GLYATL1: variants seen among roughly 807,000 people sequenced by gnomAD.
GLYATL1 encodes glycine-N-acyltransferase like 1.
Under a neutral mutation model 20.0 loss-of-function variants are expected in GLYATL1, and 15 were observed. That is an observed-to-expected ratio of 0.75 (90% CI 0.50 to 1.15). The LOEUF (loss-of-function observed/expected upper bound fraction) is 1.15, where lower values mean the gene tolerates loss of function less well. GLYATL1 is among the 50% of genes most tolerant of loss of function. The pLI is 0.00. For missense variants in GLYATL1, 380 were observed against 368.5 expected (o/e 1.03, Z -0.26); for synonymous variants, 151 against 131.5 (o/e 1.15, Z -1.01).
chr11:58,918,779 C>A (rs966603195), intron 1 of GLYATL1, among the ~76,000 whole-genome samples: 8 of 152,204 alleles, frequency 5.3e-5, no homozygotes, highest in African/African-American at 1.9e-4. Context: ...TCCAGAGTGA[C>A]TAGAGCAGGG....
Position 58,956,406 on chromosome 11 carries a change from A to T in GLYATL1, c.*379A>T, listed in dbSNP as rs770810702. On this transcript the variant is annotated 3_prime_UTR_variant, in exon 7 of 7. Transcript: ENST00000532726. ...TTTAATAAAATTTTCAATAGAATAA[A>T]CCTAATCTGTATGGATACTTTATCA... is the stretch of plus-strand genomic sequence containing the variant. 4.9e-6 allele frequency: 1 copy of T among 203,182 alleles called. No homozygotes were observed. Among genetic ancestry groups the T allele is most frequent in the Non-Finnish European group, 1.0e-5 (1 of 98,638 alleles). The allele number at this position is 203,182 out of a possible 1,614,324, so 12.6% of individuals were successfully genotyped here. A position where few individuals can be genotyped will look rare whatever the true frequency, so the allele number is the denominator to read the frequency against.
At chr11:58,927,675 G>GC (rs1279015602), upstream of GLYATL1, 1 of 134,190 alleles carries the variant, frequency 7.5e-6, no homozygotes, top group Non-Finnish European at 1.7e-5. Flanking sequence ...AGCTTCTAAT[G>GC]CCCTTTTTTA....
intron 1 of GLYATL1, among the ~76,000 whole-genome samples, chr11:58,913,992 G>C (rs1353721294): frequency 6.6e-6 from 1 of 152,166 alleles, no homozygotes; most frequent in African/African-American, 2.4e-5. Context: ...TGAGGCAAGA[G>C]TGGTCAGAGG....
intron 1 of GLYATL1, among the ~76,000 whole-genome samples, chr11:58,906,846 T>A (rs1388778462): frequency 2.0e-5 from 3 of 152,124 alleles, no homozygotes; most frequent in African/African-American, 7.2e-5. Context: ...TAGACGGTTG[T>A]TTAAACAACG....
At chr11:58,931,072 A>G (rs937553157) in intron 1 of GLYATL1, among the ~76,000 whole-genome samples, 24 of 152,238 alleles carry the variant, frequency 1.6e-4, no homozygotes, top group African/African-American at 5.3e-4. Context: ...GGCCTACACA[A>G]CTGAAATGCA....
Position 58,955,343 on chromosome 11 carries a change from G to T in GLYATL1, c.481G>T (p.Glu161Ter). ...SWAETGHPDDEFESETPNFKY... is the reference protein window; with the variant it reads ...SWAETGHPDD ...GGCTGAGACAGGCCACCCAGATGAT[G>T]AATTTGAAAGGTACAAAAACATGTG... is the stretch of plus-strand genomic sequence containing the variant. Residue 161 changes from glutamate to a stop codon, truncating the protein, a stop_gained, in exon 6 of 7, where the codon GAA becomes TAA. Transcript: ENST00000532726. LOFTEE classifies it low-confidence loss of function (END_TRUNC). The T allele has an allele frequency of 6.2e-7, 1 of 1,612,572 alleles. No individual in the cohort carries two copies. Among genetic ancestry groups the T allele is most frequent in the East Asian group, 2.2e-5 (1 of 44,874 alleles).
rs1031720066 is a variant in GLYATL1 at position 58,956,274 on chromosome 11, A to G, written c.*247A>G. The G allele has an allele frequency of 1.3e-5, 6 of 471,232 alleles. No homozygotes were observed. Among genetic ancestry groups the G allele is most frequent in the Non-Finnish European group, 1.9e-5 (5 of 266,878 alleles). 29.2% of individuals were successfully genotyped at this position (471,232 alleles called of 1,614,324 possible). A position where few individuals can be genotyped will look rare whatever the true frequency, so the allele number is the denominator to read the frequency against. On this transcript the variant is annotated 3_prime_UTR_variant, in exon 7 of 7. Coordinates refer to ENST00000532726, the MANE Select transcript of GLYATL1 (RefSeq NM_001389712.2). ...TGTTATAGGGAAAGACGGGGTTACC[A>G]GTAAACATGTAACTAGAAAGCCAGG...
intron 1 of GLYATL1, among the ~76,000 whole-genome samples, chr11:58,918,801 A>G (rs1473703819): frequency 2.0e-5 from 3 of 152,174 alleles, no homozygotes; most frequent in Non-Finnish European, 4.4e-5. Context: ...TTGCTGTTTT[A>G]TCAAGGTTTT....
intron 1 of GLYATL1, among the ~76,000 whole-genome samples, chr11:58,906,871 G>A (rs989891874): frequency 8.5e-5 from 13 of 152,180 alleles, no homozygotes; most frequent in African/African-American, 3.1e-4. Context: ...GCTCATTTGA[G>A]GCGGGGGTTG....
chr11:58,915,786 G>C (rs1453967467), intron 1 of GLYATL1, among the ~76,000 whole-genome samples: 1 of 152,166 alleles, frequency 6.6e-6, no homozygotes, highest in East Asian at 1.9e-4. Context: ...CTGGAACTGG[G>C]CATCCGTTTC....
exon 2 of GLYATL1, chr11:58,908,357 G>T (rs1055152160): frequency 2.6e-5 from 4 of 152,918 alleles, no homozygotes; most frequent in African/African-American, 9.6e-5. Flanking sequence ...TTATTTCATA[G>T]ATCTTGTTTT....
At chr11:58,935,295 T>C (rs1476569667), upstream of GLYATL1, 1 of 152,258 alleles carries the variant, frequency 6.6e-6, no homozygotes, top group Non-Finnish European at 1.5e-5. Context: ...TACCCATTAC[T>C]GGATTTTACT....
chr11:58,907,579 C>CTA (rs1041803350), exon 2 of GLYATL1: 2 of 347,152 alleles, frequency 5.8e-6, no homozygotes, highest in Admixed American at 3.8e-5. Flanking sequence ...ATGTTCCTGA[C>CTA]TACTAGTTCT....
intron 1 of GLYATL1, among the ~76,000 whole-genome samples, chr11:58,933,202 G>A (rs759256456): frequency 6.6e-6 from 1 of 152,208 alleles, no homozygotes; most frequent in Non-Finnish European, 1.5e-5. Context: ...AAGAGTAGAT[G>A]TCAAAGAGGC....
chr11:58,929,032 A>G (rs1156979962), intron 1 of GLYATL1, among the ~76,000 whole-genome samples: 2 of 152,214 alleles, frequency 1.3e-5, no homozygotes, highest in South Asian at 2.1e-4. Flanking sequence ...TACAAGCTTT[A>G]TAACCTTTCA....
upstream of GLYATL1, among the ~76,000 whole-genome samples, chr11:58,936,419 T>C (rs1263325733): frequency 1.3e-5 from 2 of 152,236 alleles, no homozygotes; most frequent in African/African-American, 4.8e-5. Flanking sequence ...ACTTAGTTTC[T>C]TGAAACTAGA....
chr11:58,944,050 A>C (rs941608264), intron 2 of GLYATL1, among the ~76,000 whole-genome samples: 11 of 152,108 alleles, frequency 7.2e-5, no homozygotes, highest in Non-Finnish European at 1.5e-4. Flanking sequence ...TTTAGATAAA[A>C]ATGGGATCCT....
At chr11:58,940,844 G>GA (rs1232736871) in intron 1 of GLYATL1, among the ~76,000 whole-genome samples, 13 of 152,128 alleles carry the variant, frequency 8.5e-5, no homozygotes, top group Non-Finnish European at 1.8e-4. Context: ...ATTCATGCTT[G>GA]TAGTTCCAGC....
Position 58,955,993 on chromosome 11 carries a change from G to A in GLYATL1, c.875G>A (p.Trp292Ter). 6.2e-7 allele frequency: 1 copy of A among 1,612,748 alleles called. No homozygotes were observed. The highest frequency in any genetic ancestry group is 2.2e-5 in the East Asian group (1 of 44,836). ...GAGGCCTCCTGTGAGTGGCACCAAT[G>A]GACTTGCTACCCACAGAATCTAGTT... ...FFEASCEWHQ[W>*]TCYPQNLVPF Residue 292 changes from tryptophan (W) to a stop codon, truncating the protein, a stop_gained, in exon 7 of 7, where the codon TGG becomes TAG. Transcript: ENST00000532726. LOFTEE classifies it high-confidence loss of function.
Sources: gnomAD v4.1 joint callset for allele counts (sites outside exome capture counted in the v4.1 genomes callset) on GRCh38, gnomAD v4.1.1 for gene constraint, MANE v1.5 for transcripts, NCBI Gene and HGNC (gene_info 2026-07-23, HGNC 2026-07-21) for gene names.